EXOC6B: variants seen among roughly 807,000 people sequenced by gnomAD.
EXOC6B encodes exocyst complex component 6B.
EXOC6B carries 54 observed loss-of-function variants against 113.5 expected under a neutral mutation model. The ratio of observed to expected loss-of-function variants is 0.48; its 90% CI spans 0.38 to 0.60. EXOC6B has a LOEUF of 0.60. Among genes scored for constraint, EXOC6B ranks in the 20% least tolerant of loss-of-function variants. EXOC6B has a pLI of 0.00. For missense variants in EXOC6B, 797 were observed against 977.5 expected, an observed-to-expected ratio of 0.82 and a Z score of 2.46; for synonymous variants, 357 against 339.0, an observed-to-expected ratio of 1.05 and a Z score of -0.58.
intron 20 of EXOC6B, among the ~76,000 whole-genome samples, chr2:72,277,500 T>C (rs959725308): frequency 6.6e-6 from 1 of 152,118 alleles, no homozygotes; most frequent in Admixed American, 6.5e-5. Context: ...TTTGTTTTTT[T>C]TTTTTCTTTT....
intron 1 of EXOC6B, among the ~76,000 whole-genome samples, chr2:72,794,995 C>T (rs1002966993): frequency 1.3e-5 from 2 of 152,164 alleles, no homozygotes; most frequent in African/African-American, 2.4e-5. Flanking sequence ...CTAGAAATAA[C>T]AATTAGTACA....
intron 20 of EXOC6B, among the ~76,000 whole-genome samples, chr2:72,292,563 AAT>A (rs1354065597): frequency 6.6e-6 from 1 of 151,566 alleles, no homozygotes. Flanking sequence ...GTGTGTGTTG[AAT>A]ATGATTCTAT....
chr2:72,499,230 ATTT>A (rs5832085), intron 12 of EXOC6B, among the ~76,000 whole-genome samples: 3 of 139,416 alleles, frequency 2.2e-5, no homozygotes, highest in Admixed American at 7.2e-5. Context: ...GCTTATGTAG[ATTT>A]TTTTTTTTTT....
At chr2:72,538,740 T>C (rs961353121) in intron 8 of EXOC6B, among the ~76,000 whole-genome samples, 2 of 152,130 alleles carry the variant, frequency 1.3e-5, no homozygotes, top group African/African-American at 2.4e-5. Context: ...ATTGAATAAA[T>C]GAATGAACAA....
rs1217069254 is a variant in EXOC6B at position 72,379,746 on chromosome 2, T to C, written c.2105A>G (p.Asp702Gly). 2 of 1,611,502 alleles carry C rather than the reference T, an allele frequency of 1.2e-6. No homozygotes were observed. The highest frequency in any genetic ancestry group is 1.7e-6 in the Non-Finnish European group (2 of 1,178,646). Residue 702 changes from aspartate to glycine, a missense_variant, in exon 19 of 22, where the codon GAC becomes GGC. By Grantham distance (94) the Asp-to-Gly change is moderately conservative. Transcript: ENST00000272427. Reference sequence around the variant, plus strand: ...TGTCTTACGTTCACATTCTCTGACGTCCAAGTTGAACTGCTGTAATGCTCC... The same window carrying C: ...TGTCTTACGTTCACATTCTCTGACGCCCAAGTTGAACTGCTGTAATGCTCC... ...TLGALQQFNL[D>G]VRECEQFARS...
intron 6 of EXOC6B, among the ~76,000 whole-genome samples, chr2:72,707,468 C>T (rs1269353436): frequency 6.6e-6 from 1 of 150,860 alleles, no homozygotes; most frequent in Non-Finnish European, 1.5e-5. Flanking sequence ...GGCTAGAGTG[C>T]AGTGGTGTGA....
At chr2:72,628,580 C>A (rs550212783) in intron 6 of EXOC6B, among the ~76,000 whole-genome samples, 2 of 152,066 alleles carry the variant, frequency 1.3e-5, no homozygotes, top group Non-Finnish European at 2.9e-5. Flanking sequence ...TCTGTGGCAG[C>A]GATGAGGTTT....
At chr2:72,666,418 A>T (rs368518350) in intron 6 of EXOC6B, among the ~76,000 whole-genome samples, 7 of 152,046 alleles carry the variant, frequency 4.6e-5, no homozygotes, top group African/African-American at 1.2e-4. Flanking sequence ...CAATTAATTT[A>T]AAAAAAATTA....
intron 18 of EXOC6B, among the ~76,000 whole-genome samples, chr2:72,430,829 C>T (rs1304017042): frequency 3.3e-5 from 5 of 152,122 alleles, no homozygotes; most frequent in Admixed American, 3.3e-4. Flanking sequence ...TTTGGTTAAG[C>T]TATTCAAACA....
Position 72,496,504 on chromosome 2 carries a change from A to G in EXOC6B, c.1393T>C (p.Tyr465His). The G allele has an allele frequency of 6.2e-7, 1 of 1,602,054 alleles. No homozygotes were observed. The highest frequency in any genetic ancestry group is 1.3e-5 in the African/African-American group (1 of 74,910). The change falls in exon 14 of 22, where the codon TAC becomes CAC. Residue 465 changes from tyrosine (Y) to histidine (H), a missense_variant. Transcript: ENST00000272427. ...GGGAATTGTCCTACCACCTTTTTGT[A>G]CATCTCTTCACTTGTTACTGGTATA... Reference protein sequence around the residue: ...SPIPVTSEEMYKKVVGQFPFQ... With the variant: ...SPIPVTSEEMHKKVVGQFPFQ...
At chr2:72,578,599 T>C (rs1034605262) in intron 6 of EXOC6B, among the ~76,000 whole-genome samples, 3 of 152,094 alleles carry the variant, frequency 2.0e-5, no homozygotes, top group African/African-American at 7.2e-5. Flanking sequence ...CTACCTTCAG[T>C]CAAACACGTG....
At chr2:72,279,205 A>C (rs1684978538) in intron 20 of EXOC6B, among the ~76,000 whole-genome samples, 1 of 152,220 alleles carries the variant, frequency 6.6e-6, no homozygotes, top group Admixed American at 6.5e-5. Context: ...AATCAGGGCT[A>C]ACCTGGATCT....
chr2:72,417,343 A>C (rs1406102473), intron 18 of EXOC6B, among the ~76,000 whole-genome samples: 2 of 152,134 alleles, frequency 1.3e-5, no homozygotes, highest in African/African-American at 4.8e-5. Flanking sequence ...TTTTTAGTAG[A>C]GGCAGGGTTT....
chr2:72,619,241 T>C (rs1373000427), intron 6 of EXOC6B, among the ~76,000 whole-genome samples: 1 of 151,716 alleles, frequency 6.6e-6, no homozygotes, highest in Admixed American at 6.6e-5. Flanking sequence ...CAAACCAACA[T>C]AGATCACATC....
At chr2:72,811,002 C>G (rs1685884290) in intron 1 of EXOC6B, among the ~76,000 whole-genome samples, 1 of 151,884 alleles carries the variant, frequency 6.6e-6, no homozygotes, top group East Asian at 1.9e-4. Context: ...GATCACATCA[C>G]CGCACTCTAG....
chr2:72,603,146 T>G (rs1252905539), intron 6 of EXOC6B, among the ~76,000 whole-genome samples: 6 of 151,782 alleles, frequency 4.0e-5, no homozygotes, highest in African/African-American at 7.3e-5. Flanking sequence ...AATGGCCTTT[T>G]AAGCAGTTTC....
intron 16 of EXOC6B, 128 bp from the exon 17 acceptor site, chr2:72,480,878 G>A (rs1462224752): frequency 7.5e-6 from 7 of 933,598 alleles, no homozygotes; most frequent in Non-Finnish European, 1.1e-5. Context: ...TTCGGGCAAG[G>A]GGTATGTTAA....
At chr2:72,216,500 G>A (rs772684587) in intron 20 of EXOC6B, among the ~76,000 whole-genome samples, 4 of 152,108 alleles carry the variant, frequency 2.6e-5, no homozygotes, top group Non-Finnish European at 5.9e-5. Context: ...GTGACCATTC[G>A]TTAAGGATCT....
At chr2:72,408,091 A>T (rs1318986080) in intron 18 of EXOC6B, among the ~76,000 whole-genome samples, 1 of 152,208 alleles carries the variant, frequency 6.6e-6, no homozygotes, top group African/African-American at 2.4e-5. Flanking sequence ...AGAGAGCCAA[A>T]TCATGAGTGA....
Sources: allele counts gnomAD v4.1 joint callset (sites outside exome capture counted in the v4.1 genomes callset), GRCh38; gene constraint gnomAD v4.1.1; transcripts MANE v1.5; gene names NCBI Gene and HGNC (gene_info 2026-07-23, HGNC 2026-07-21).